Variants in PRKCE observed in about 807,000 individuals in gnomAD.
PRKCE encodes the protein protein kinase C epsilon, also known as protein kinase C epsilon type.
Under a neutral mutation model 85.4 loss-of-function variants are expected in PRKCE, and 16 were observed. The observed-to-expected ratio is 0.19, with a 90% CI of 0.13 to 0.28. The LOEUF (loss-of-function observed/expected upper bound fraction) is 0.28, where lower values mean the gene tolerates loss of function less well. Among genes scored for constraint, PRKCE ranks in the 10% least tolerant of loss-of-function variants. The pLI, the probability that PRKCE is intolerant of heterozygous loss-of-function variation, is 1.00. For synonymous variants in PRKCE, 388 were observed against 371.5 expected (o/e 1.04, Z -0.51); for missense variants, 573 against 975.2 (o/e 0.59, Z 5.49).
intron 11 of PRKCE, among the ~76,000 whole-genome samples, chr2:46,122,217 G>T (rs1359866581): frequency 6.6e-6 from 1 of 151,906 alleles, no homozygotes; most frequent in Admixed American, 6.6e-5. Flanking sequence ...TGTGTTTTTT[G>T]TTTGTTTGTT....
chr2:45,852,144 C>T (rs1692317657), intron 2 of PRKCE: 1 of 152,252 alleles, frequency 6.6e-6, no homozygotes, highest in African/African-American at 2.4e-5. Context: ...TTCATTAGCT[C>T]TGCCCTTCTA....
At chr2:46,036,604 G>A (rs1056552768) in intron 10 of PRKCE, among the ~76,000 whole-genome samples, 1 of 152,012 alleles carries the variant, frequency 6.6e-6, no homozygotes, top group African/African-American at 2.4e-5. Flanking sequence ...ATAAGCTTGG[G>A]TATCTGGACA....
At chr2:46,003,122 A>C (rs748126916) in intron 7 of PRKCE, among the ~76,000 whole-genome samples, 9 of 152,274 alleles carry the variant, frequency 5.9e-5, no homozygotes, top group Non-Finnish European at 1.0e-4. Flanking sequence ...CTGATGCCAA[A>C]ATTGGGAAAA....
intron 1 of PRKCE, among the ~76,000 whole-genome samples, chr2:45,757,022 G>C (rs1466904684): frequency 1.3e-5 from 2 of 151,952 alleles, no homozygotes; most frequent in Non-Finnish European, 2.9e-5. Context: ...AGGCCGAGGC[G>C]GGTGGATCAC....
chr2:45,686,484 C>T (rs1677309110), intron 1 of PRKCE: 1 of 152,098 alleles, frequency 6.6e-6, no homozygotes, highest in African/African-American at 2.4e-5. Flanking sequence ...ATATGATATG[C>T]TTATATGCTA....
chr2:45,658,425 G>C (rs1675483659), intron 1 of PRKCE, among the ~76,000 whole-genome samples: 1 of 152,108 alleles, frequency 6.6e-6, no homozygotes, highest in African/African-American at 2.4e-5. Context: ...TAGTGTCTTT[G>C]ACCAGCAGCA....
chr2:46,150,698 C>T (rs1330901724), intron 12 of PRKCE, among the ~76,000 whole-genome samples: 1 of 152,182 alleles, frequency 6.6e-6, no homozygotes, highest in Non-Finnish European at 1.5e-5. Context: ...CAGTATGCAT[C>T]GTGCTCCCCT....
At chr2:45,684,437 G>A (rs190182935) in intron 1 of PRKCE, among the ~76,000 whole-genome samples, 3 of 152,200 alleles carry the variant, frequency 2.0e-5, no homozygotes, top group South Asian at 2.1e-4. Context: ...ATCTGACCTA[G>A]ACTCTCTATA....
intron 1 of PRKCE, among the ~76,000 whole-genome samples, chr2:45,726,532 AAAGT>A (rs1287187320): frequency 2.0e-5 from 3 of 152,222 alleles, no homozygotes; most frequent in African/African-American, 7.2e-5. Context: ...CTTTTCAATT[AAAGT>A]ATGTACATTT....
intron 1 of PRKCE, among the ~76,000 whole-genome samples, chr2:45,742,826 A>C (rs1682691558): frequency 6.6e-6 from 1 of 152,224 alleles, no homozygotes; most frequent in African/African-American, 2.4e-5. Flanking sequence ...TCTCAAAGAG[A>C]AATCTGCACT....
chr2:45,898,061 G>C lies in PRKCE; in HGVS notation c.412+54998G>C, dbSNP rs143635463. 4.0e-3 allele frequency among the ~76,000 whole-genome samples: 605 copies of C among 152,308 alleles called. 5 individuals are homozygous for C. Among genetic ancestry groups the C allele is most frequent in the African/African-American group, 0.014 (575 of 41,560 alleles). On this transcript the variant is annotated intron_variant, in intron 2 of 14. Coordinates refer to ENST00000306156, the MANE Select transcript of PRKCE (RefSeq NM_005400.3). Reference sequence around the variant, plus strand: ...GGGCAAGTGCACACCAGGCACAGGCGTGGTTCCCTTTTGCAGGCCCCTCGT... The same window carrying C: ...GGGCAAGTGCACACCAGGCACAGGCCTGGTTCCCTTTTGCAGGCCCCTCGT...
intron 1 of PRKCE, among the ~76,000 whole-genome samples, chr2:45,718,439 G>T (rs748979452): frequency 6.2e-5 from 9 of 146,302 alleles, no homozygotes; most frequent in Non-Finnish European, 1.2e-4. Flanking sequence ...CCACCTCCCA[G>T]GTTCAAGCGA....
At chr2:45,847,997 T>G (rs1267908193) in intron 2 of PRKCE, among the ~76,000 whole-genome samples, 4 of 152,204 alleles carry the variant, frequency 2.6e-5, no homozygotes. Context: ...GGTTAATAAT[T>G]CTTCCTACTG....
intron 2 of PRKCE, among the ~76,000 whole-genome samples, chr2:45,901,879 G>A (rs60433191): frequency 0.012 from 1,804 of 152,318 alleles, 39 homozygotes; most frequent in African/African-American, 0.042. Flanking sequence ...GCCAGGTGCG[G>A]TAAAAGAGTA....
intron 14 of PRKCE, among the ~76,000 whole-genome samples, chr2:46,160,797 G>A (rs549269166): frequency 1.3e-5 from 2 of 152,310 alleles, no homozygotes; most frequent in African/African-American, 4.8e-5. Flanking sequence ...TATTCAAGGA[G>A]ATTTTCTGGG....
intron 2 of PRKCE, among the ~76,000 whole-genome samples, chr2:45,959,717 A>G (rs1701253408): frequency 6.6e-6 from 1 of 152,088 alleles, no homozygotes; most frequent in Admixed American, 6.5e-5. Flanking sequence ...CTGTGTGATG[A>G]TTATATTTGC....
chr2:45,906,680 C>T (rs1171890474), intron 2 of PRKCE, among the ~76,000 whole-genome samples: 1 of 152,198 alleles, frequency 6.6e-6, no homozygotes, highest in Non-Finnish European at 1.5e-5. Flanking sequence ...CTCCCCTCTA[C>T]TCATGTGCTC....
chr2:46,123,982 C>T (rs894681748), intron 11 of PRKCE, among the ~76,000 whole-genome samples: 1 of 152,236 alleles, frequency 6.6e-6, no homozygotes, highest in Non-Finnish European at 1.5e-5. Flanking sequence ...CAAACAATTT[C>T]ACCAAGCCAT....
intron 1 of PRKCE, among the ~76,000 whole-genome samples, chr2:45,717,839 A>G (rs1680270757): frequency 6.6e-6 from 1 of 152,130 alleles, no homozygotes; most frequent in Admixed American, 6.6e-5. Context: ...TGGGCAGAGG[A>G]CGGGGTAGAG....
Sources: allele counts gnomAD v4.1 joint callset (sites outside exome capture counted in the v4.1 genomes callset), GRCh38; gene constraint gnomAD v4.1.1; transcripts MANE v1.5; gene names NCBI Gene and HGNC (gene_info 2026-07-23, HGNC 2026-07-21).